ACTR3C: variants seen among roughly 807,000 people sequenced by gnomAD.
The protein encoded by ACTR3C is actin-related protein 3C.
In ACTR3C, 18 loss-of-function variants were observed where a neutral mutation model predicts 26.3. That is an observed-to-expected ratio of 0.68 (90% confidence interval 0.47 to 1.01). ACTR3C has a LOEUF of 1.01. ACTR3C is among the 50% of genes least tolerant of loss of function. The pLI, the probability that ACTR3C is intolerant of heterozygous loss-of-function variation, is 0.00. For synonymous variants in ACTR3C, 55 were observed against 94.5 expected (o/e 0.58, Z 2.42); for missense variants, 184 against 250.7 (o/e 0.73, Z 1.80).
the ACTR3C span, among the ~76,000 whole-genome samples, chr7:150,225,203 A>AT: frequency 1.3e-5 from 2 of 152,194 alleles, no homozygotes; most frequent in Non-Finnish European, 2.9e-5. Flanking sequence ...ATATCTGGGC[A>AT]TTACTAGTGC....
At chr7:149,954,424 C>T in the ACTR3C span, among the ~76,000 whole-genome samples, 1 of 152,300 alleles carries the variant, frequency 6.6e-6, no homozygotes, top group African/African-American at 2.4e-5. Context: ...ATATTGCCTT[C>T]ACATTCCACT....
chr7:150,238,875 A>C, the ACTR3C span, among the ~76,000 whole-genome samples: 4 of 146,074 alleles, frequency 2.7e-5, no homozygotes, highest in South Asian at 8.5e-4. Context: ...TGCTTTTTGA[A>C]TTGATTGTGT....
the ACTR3C span, among the ~76,000 whole-genome samples, chr7:150,066,457 T>C: frequency 6.6e-6 from 1 of 152,388 alleles, no homozygotes; most frequent in East Asian, 1.9e-4. Context: ...CAGTAGTATC[T>C]TTCTTGCTAT....
At chr7:150,198,731 C>T in the ACTR3C span, among the ~76,000 whole-genome samples, 1 of 148,526 alleles carries the variant, frequency 6.7e-6, no homozygotes, top group Non-Finnish European at 1.5e-5. Context: ...CGCCCGGCAG[C>T]CACCCCGTCC....
the ACTR3C span, among the ~76,000 whole-genome samples, chr7:150,193,389 T>A: frequency 2.0e-5 from 3 of 150,194 alleles, no homozygotes; most frequent in Non-Finnish European, 4.4e-5. Context: ...ATTGATTTTC[T>A]CTATTGATTT....
downstream of ACTR3C, chr7:150,244,551 G>A (rs963738325): frequency 1.1e-4 from 16 of 152,002 alleles, no homozygotes; most frequent in African/African-American, 3.1e-4. Flanking sequence ...TTCTTCAAAG[G>A]AGGAGAAATA....
intron 6 of ACTR3C, among the ~76,000 whole-genome samples, chr7:150,255,740 A>C (rs1833174226): frequency 1.3e-5 from 2 of 152,174 alleles, no homozygotes; most frequent in Admixed American, 6.5e-5. Flanking sequence ...ATTTACCCCA[A>C]GACACAGCTC....
chr7:150,093,408 T>C, the ACTR3C span, among the ~76,000 whole-genome samples: 2 of 151,084 alleles, frequency 1.3e-5, no homozygotes, highest in Non-Finnish European at 2.9e-5. Context: ...CTCACAGACG[T>C]TGAGTGAATG....
intron 1 of ACTR3C, among the ~76,000 whole-genome samples, chr7:150,311,417 C>G (rs1367647283): frequency 6.6e-6 from 1 of 152,224 alleles, no homozygotes; most frequent in Admixed American, 6.5e-5. Flanking sequence ...CAATCACAAG[C>G]TATGCTCCAC....
the ACTR3C span, among the ~76,000 whole-genome samples, chr7:149,914,802 A>G: frequency 6.6e-6 from 1 of 152,120 alleles, no homozygotes; most frequent in African/African-American, 2.4e-5. Context: ...ACTGTTTAGG[A>G]AGAATTAGAT....
At chr7:150,132,896 C>T in the ACTR3C span, among the ~76,000 whole-genome samples, 1 of 152,168 alleles carries the variant, frequency 6.6e-6, no homozygotes, top group Non-Finnish European at 1.5e-5. Context: ...GGTACATATA[C>T]ACCATGGAAT....
chr7:149,929,220 G>A, the ACTR3C span, among the ~76,000 whole-genome samples: 1 of 151,852 alleles, frequency 6.6e-6, no homozygotes, highest in African/African-American at 2.4e-5. Context: ...TTGAGATCAG[G>A]ATTCAAGACC....
At chr7:150,297,456 C>T (rs149006650) in intron 1 of ACTR3C, among the ~76,000 whole-genome samples, 2,785 of 146,774 alleles carry the variant, frequency 0.019, 16 homozygotes, top group South Asian at 0.055. Context: ...TGTATGGGTT[C>T]ATGAACTATT....
the ACTR3C span, among the ~76,000 whole-genome samples, chr7:149,918,793 AC>A: frequency 1.3e-5 from 2 of 152,188 alleles, no homozygotes; most frequent in African/African-American, 4.8e-5. Context: ...AAAGCTGAGG[AC>A]CCATCGTGCC....
At chr7:150,149,622 T>A in the ACTR3C span, among the ~76,000 whole-genome samples, 1 of 151,766 alleles carries the variant, frequency 6.6e-6, no homozygotes, top group East Asian at 1.9e-4. Context: ...GATATTTTGC[T>A]CAGAATAATG....
chr7:150,033,511 G>T, the ACTR3C span, among the ~76,000 whole-genome samples: 8 of 152,306 alleles, frequency 5.3e-5, 1 homozygote, highest in Admixed American at 5.2e-4. Context: ...AGTACTCCAG[G>T]TGGGTCCTAA....
chr7:149,914,250 A>G, the ACTR3C span, among the ~76,000 whole-genome samples: 1 of 151,908 alleles, frequency 6.6e-6, no homozygotes, highest in Admixed American at 6.6e-5. Flanking sequence ...CTCTATGAAA[A>G]AAAATAATGT....
At chr7:150,098,045 T>G in the ACTR3C span, among the ~76,000 whole-genome samples, 1 of 151,482 alleles carries the variant, frequency 6.6e-6, no homozygotes. Context: ...GTTTTCACTT[T>G]GTGATCCAAC....
chr7:150,136,103 C>G, the ACTR3C span, among the ~76,000 whole-genome samples: 6 of 152,074 alleles, frequency 3.9e-5, no homozygotes, highest in South Asian at 4.1e-4. Context: ...GCTGTCATGC[C>G]CCTACATCTC....
Sources: gnomAD v4.1 joint callset for allele counts (sites outside exome capture counted in the v4.1 genomes callset) on GRCh38, gnomAD v4.1.1 for gene constraint, MANE v1.5 for transcripts, NCBI Gene and HGNC (gene_info 2026-07-23, HGNC 2026-07-21) for gene names.